The following EPHA5 variants were observed in gnomAD, a reference collection of about 807,000 sequenced individuals.
EPHA5 encodes the protein ephrin type-A receptor 5.
EPHA5 carries 60 observed loss-of-function variants against 105.0 expected under a neutral mutation model. The ratio of observed to expected loss-of-function variants is 0.57; its 90% CI spans 0.46 to 0.71. EPHA5 has a LOEUF of 0.71. Ranked by LOEUF, EPHA5 falls within the 30% of genes least tolerant of loss-of-function variation. The probability of loss-of-function intolerance (pLI) is 0.00; values close to 1 mark genes in which losing one functional copy is unlikely to be tolerated. For missense variants in EPHA5, 1,218 were observed against 1,274.7 expected, an observed-to-expected ratio of 0.96 and a Z score of 0.68; for synonymous variants, 513 against 449.1, an observed-to-expected ratio of 1.14 and a Z score of -1.80.
chr4:65,516,866 C>T (rs755525116), intron 3 of EPHA5, among the ~76,000 whole-genome samples: 1 of 152,010 alleles, frequency 6.6e-6, no homozygotes, highest in Non-Finnish European at 1.5e-5. Context: ...AGTATGACAA[C>T]AATTGTTAAT....
chr4:65,514,785 C>A (rs1733945197), intron 3 of EPHA5, among the ~76,000 whole-genome samples: 1 of 151,906 alleles, frequency 6.6e-6, no homozygotes, highest in Non-Finnish European at 1.5e-5. Context: ...CTTGATGCTC[C>A]CCTTCACTCC....
chr4:65,474,165 T>C (rs535870391), intron 5 of EPHA5, among the ~76,000 whole-genome samples: 3 of 152,024 alleles, frequency 2.0e-5, no homozygotes, highest in Non-Finnish European at 4.4e-5. Flanking sequence ...GAACTTAAAG[T>C]ATAACAATAA....
intron 3 of EPHA5, among the ~76,000 whole-genome samples, chr4:65,537,276 A>G (rs1430252121): frequency 6.6e-6 from 1 of 151,800 alleles, no homozygotes; most frequent in Non-Finnish European, 1.5e-5. Context: ...AAGGAACAAA[A>G]CTAATATGCA....
At chr4:65,466,406 T>C (rs918571743) in intron 5 of EPHA5, among the ~76,000 whole-genome samples, 3 of 152,180 alleles carry the variant, frequency 2.0e-5, no homozygotes, top group African/African-American at 7.2e-5. Flanking sequence ...AAATAAATGA[T>C]AAAGTTCCAG....
intron 3 of EPHA5, among the ~76,000 whole-genome samples, chr4:65,567,732 T>C (rs1739700593): frequency 6.6e-6 from 1 of 151,626 alleles, no homozygotes; most frequent in Non-Finnish European, 1.5e-5. Context: ...GCTTGAGTAG[T>C]ATGTTCGACT....
chr4:65,655,337 G>A (rs766369172), intron 1 of EPHA5, among the ~76,000 whole-genome samples: 4 of 151,862 alleles, frequency 2.6e-5, no homozygotes, highest in East Asian at 1.9e-4. Context: ...CTTTCTAAAA[G>A]TACAAAATCA....
chr4:65,424,160 CTGTT>C (rs376457003), intron 5 of EPHA5, among the ~76,000 whole-genome samples: 50 of 152,134 alleles, frequency 3.3e-4, no homozygotes, highest in African/African-American at 1.2e-3. Flanking sequence ...TCATCTGTGT[CTGTT>C]TGACTTATTG....
At chr4:65,405,204 A>G (rs978866110) in intron 7 of EPHA5, among the ~76,000 whole-genome samples, 1 of 152,200 alleles carries the variant, frequency 6.6e-6, no homozygotes, top group Non-Finnish European at 1.5e-5. Context: ...AGGAATATGA[A>G]CATGATTAGG....
chr4:65,418,860 C>CTAT (rs1560516457), intron 6 of EPHA5, among the ~76,000 whole-genome samples: 1 of 79,854 alleles, frequency 1.3e-5, no homozygotes, highest in Non-Finnish European at 2.4e-5. Flanking sequence ...CTTACCTAAA[C>CTAT]TCTTTTTTTT....
In EPHA5 at chr4:65,323,961, A is replaced by G; in HGVS notation, c.*153T>C. 1.8e-6 allele frequency: 1 copy of G among 556,746 alleles called. No homozygotes were observed. Among genetic ancestry groups the G allele is most frequent in the South Asian group, 2.3e-5 (1 of 44,264 alleles). The allele number at this position is 556,746 out of a possible 1,614,324, so 34.5% of individuals were successfully genotyped here. On this transcript the variant is annotated 3_prime_UTR_variant, in exon 17 of 17. Transcript: ENST00000613740. The stretch of plus-strand genomic sequence containing the variant: ...GACTAAGAACTGGATACTTCAGTAA[A>G]ACCATGATTACAAATTCTGTGGCTG...
intron 6 of EPHA5, among the ~76,000 whole-genome samples, chr4:65,419,087 G>A (rs533206372): frequency 5.9e-5 from 9 of 151,554 alleles, no homozygotes; most frequent in Admixed American, 6.6e-5. Context: ...GTTTCACTAC[G>A]TTGGGCAGGC....
intron 2 of EPHA5, among the ~76,000 whole-genome samples, chr4:65,638,632 G>A (rs756105306): frequency 4.6e-5 from 7 of 152,088 alleles, no homozygotes; most frequent in Non-Finnish European, 8.8e-5. Flanking sequence ...CCAGCTACTC[G>A]GAAGGCTGAG....
At position 65,502,415 on chromosome 4, in the gene EPHA5, A is replaced by T. The variant is rs556917983; in HGVS notation, c.911-6872T>A. On this transcript the variant is annotated intron_variant, in intron 3 of 16. Transcript: ENST00000613740. ...TAAACAATTAAACAAGCAAAAAAAAAATATATAGCCCCATTAAAAAGCAGG... is the reference window on the plus strand; with the variant it reads ...TAAACAATTAAACAAGCAAAAAAAATATATATAGCCCCATTAAAAAGCAGG... Among the ~76,000 whole-genome samples the T allele has an allele frequency of 5.1e-3, 768 of 151,702 alleles. 4 individuals are homozygous for T. Among genetic ancestry groups the T allele is most frequent in the African/African-American group, 0.017 (685 of 41,474 alleles).
chr4:65,583,962 T>G (rs1455071000), intron 3 of EPHA5, among the ~76,000 whole-genome samples: 1 of 151,618 alleles, frequency 6.6e-6, no homozygotes. Flanking sequence ...ATATGTAATA[T>G]ATATGTAATA....
intron 7 of EPHA5, among the ~76,000 whole-genome samples, chr4:65,407,671 T>C (rs1578040587): frequency 6.6e-6 from 1 of 151,086 alleles, no homozygotes; most frequent in East Asian, 1.9e-4. Flanking sequence ...TATTTTTGTT[T>C]ATTATTTTAA....
chr4:65,377,502 A>T (rs1719128347), intron 8 of EPHA5, among the ~76,000 whole-genome samples: 1 of 151,938 alleles, frequency 6.6e-6, no homozygotes, highest in South Asian at 2.1e-4. Context: ...AGACTTTCTC[A>T]TGTGACCCAC....
chr4:65,581,773 A>G (rs753552156), intron 3 of EPHA5, among the ~76,000 whole-genome samples: 14 of 151,738 alleles, frequency 9.2e-5, no homozygotes, highest in Non-Finnish European at 1.5e-4. Flanking sequence ...TTTAGTACCA[A>G]TTTAATGGAA....
chr4:65,331,817 G>GT, intron 16 of EPHA5, 156 bp downstream of exon 16: 1 of 1,337,722 alleles, frequency 7.5e-7, no homozygotes, highest in African/African-American at 1.5e-5. Flanking sequence ...TAACCATGCA[G>GT]TTGTTAACAA....
In EPHA5 at chr4:65,669,686, G is replaced by C; in HGVS notation, c.57C>G (p.Gly19=). ...AGRRRPPSGG[G]DTPITPASLA... ...GGGACGCTGGGGTGATGGGGGTGTC[G>C]CCGCCGCCGCTTGGGGGCCGCCGGC... The change falls in exon 1 of 17, where the codon GGC becomes GGG. Residue 19 remains glycine, a synonymous_variant. Coordinates refer to ENST00000613740, the MANE Select transcript of EPHA5 (RefSeq NM_001281766.3). The C allele has an allele frequency of 7.6e-7, 1 of 1,315,012 alleles. No homozygotes were observed. The allele number at this position is 1,315,012 out of a possible 1,614,324, so 81.5% of individuals were successfully genotyped here.
Sources: allele counts gnomAD v4.1 joint callset (sites outside exome capture counted in the v4.1 genomes callset), GRCh38; gene constraint gnomAD v4.1.1; transcripts MANE v1.5; gene names NCBI Gene and HGNC (gene_info 2026-07-23, HGNC 2026-07-21).